Variants in ZSWIM4 observed in about 807,000 individuals in gnomAD.
The protein encoded by ZSWIM4 is zinc finger SWIM domain-containing protein 4.
In ZSWIM4, 62 loss-of-function variants were observed where a neutral mutation model predicts 102.5. The ratio of observed to expected loss-of-function variants is 0.60; its 90% CI spans 0.49 to 0.75. The LOEUF is 0.75. Among genes scored for constraint, ZSWIM4 ranks in the 30% least tolerant of loss-of-function variants. The pLI, the probability that ZSWIM4 is intolerant of heterozygous loss-of-function variation, is 0.00. For synonymous variants in ZSWIM4, 652 were observed against 674.5 expected (o/e 0.97, Z 0.52); for missense variants, 1,280 against 1,529.6 (o/e 0.84, Z 2.72).
chr19:13,817,188 G>A, intron 7 of ZSWIM4, 28 bp from the exon 8 acceptor site: 1 of 1,597,228 alleles, frequency 6.3e-7, no homozygotes, highest in Non-Finnish European at 8.6e-7. Context: ...AGGTGTGTGG[G>A]CATTGAGCCC....
chr19:13,808,360 C>T (rs890371684), intron 3 of ZSWIM4, among the ~76,000 whole-genome samples: 1 of 148,996 alleles, frequency 6.7e-6, no homozygotes, highest in Non-Finnish European at 1.5e-5. Flanking sequence ...AATAGATGGT[C>T]GGGTGGGATG....
chr19:13,807,479 A>G (rs1348913839), intron 3 of ZSWIM4, among the ~76,000 whole-genome samples: 1 of 151,940 alleles, frequency 6.6e-6, no homozygotes, highest in East Asian at 1.9e-4. Context: ...ATAGATGTGT[A>G]GTGTTTCAGG....
chr19:13,809,002 G>A lies in ZSWIM4; in HGVS notation c.861+18G>A. The A allele has an allele frequency of 1.9e-6, 3 of 1,609,346 alleles. No individual in the cohort carries two copies. Among genetic ancestry groups the A allele is most frequent in the East Asian group, 2.2e-5 (1 of 44,702 alleles). The stretch of plus-strand genomic sequence containing the variant: ...TCAGCAAGGTGCCGTGCGGGCCGGC[G>A]GGGCGCGGGGTGCAGAAGGCCCCGG... On this transcript the variant is annotated intron_variant, in intron 4 of 13. Coordinates refer to ENST00000590508, the MANE Select transcript of ZSWIM4 (RefSeq NM_001367834.3). The surrounding 1 kb of genome is among the most constrained non-coding windows in gnomAD (Gnocchi z 4.2).
chr19:13,810,757 C>G (rs1975058955), intron 5 of ZSWIM4, among the ~76,000 whole-genome samples: 2 of 151,386 alleles, frequency 1.3e-5, no homozygotes, highest in Non-Finnish European at 2.9e-5. Flanking sequence ...CTACAGAGGC[C>G]CACCACCACG....
At position 13,808,740 on chromosome 19, in the gene ZSWIM4, CAAAAAAAAAAAA is replaced by C. The variant is rs755959483; in HGVS notation, c.713-86_713-75del. The C allele has an allele frequency of 8.4e-6, 7 of 834,982 alleles. No individual in the cohort carries two copies. In the Admixed American group the frequency reaches 3.0e-4, roughly 35 times the overall value. The allele number at this position is 834,982 out of a possible 1,614,324, so 51.7% of individuals were successfully genotyped here. On this transcript the variant is annotated intron_variant, in intron 3 of 13. Coordinates refer to ENST00000590508, the MANE Select transcript of ZSWIM4 (RefSeq NM_001367834.3). ...GGCAAGAAGAGCCAAACTCCGTCTCCAAAAAAAAAAAAAAAAAAAAAGGACAGCTCTCCTCAA... is the reference window on the plus strand; with the variant it reads ...GGCAAGAAGAGCCAAACTCCGTCTCCAAAAAAAAAGGACAGCTCTCCTCAA...
rs774421306 is a variant in ZSWIM4, at chr19:13,823,383, C to A, written c.2098C>A (p.Pro700Thr). The change falls in exon 11 of 14, where the codon CCT becomes ACT. Residue 700 changes from proline to threonine, a missense_variant. Pro to Thr is a conservative substitution (Grantham distance 38). Transcript: ENST00000590508. ...ILETAFPAGE[P>T]HPSPLDSIMS... The stretch of plus-strand genomic sequence containing the variant: ...GGAGACAGCATTTCCTGCTGGAGAA[C>A]CTCATCCCAGCCCGCTGGACTCCAT... The A allele has an allele frequency of 1.7e-5, 27 of 1,613,946 alleles. No individual in the cohort carries two copies. Among genetic ancestry groups the A allele is most frequent in the Non-Finnish European group, 2.1e-5 (25 of 1,179,990 alleles).
At chr19:13,807,570 A>AGTTG (rs1555712752) in intron 3 of ZSWIM4, among the ~76,000 whole-genome samples, 9 of 141,146 alleles carry the variant, frequency 6.4e-5, no homozygotes, top group Admixed American at 2.9e-4. Flanking sequence ...GTTTTGGGCA[A>AGTTG]GATGGATGGA....
rs779056101 is a variant in ZSWIM4, at chr19:13,830,533, C to T, written c.2804C>T (p.Pro935Leu). Reference protein sequence around the residue: ...VARYMEHRGLPLRAYKLATLA... With the variant: ...VARYMEHRGLLLRAYKLATLA... ...CGCTATATGGAGCACCGCGGGCTGC[C>T]GCTCCGGGCCTACAAGCTGGCGACG... Residue 935 changes from proline (P) to leucine (L), a missense_variant, in exon 14 of 14, where the codon CCG (proline) becomes CTG (leucine). Transcript: ENST00000590508. 3.6e-5 allele frequency: 57 copies of T among 1,599,296 alleles called. No individual in the cohort carries two copies. Among genetic ancestry groups the T allele is most frequent in the Non-Finnish European group, 4.3e-5 (51 of 1,179,384 alleles).
At position 13,814,830 on chromosome 19, in the gene ZSWIM4, G is replaced by A. The variant is rs757672306; in HGVS notation, c.1496G>A (p.Arg499Gln). 3.2e-5 allele frequency: 41 copies of A among 1,271,586 alleles called. No homozygotes were observed. Among genetic ancestry groups the A allele is most frequent in the Middle Eastern group, 2.1e-4 (1 of 4,666 alleles). The allele number at this position is 1,271,586 out of a possible 1,614,324, so 78.8% of individuals were successfully genotyped here. A position where few individuals can be genotyped will look rare whatever the true frequency, so the allele number is the denominator to read the frequency against. ...AIINTLRLQQ[R>Q]HQLESYKQQK... ...ATCAACACACTCCGGCTGCAGCAGCGGCATCAGCTAGAGAGCTACAAGCAG... is the reference window on the plus strand; with the variant it reads ...ATCAACACACTCCGGCTGCAGCAGCAGCATCAGCTAGAGAGCTACAAGCAG... Residue 499 changes from arginine (R) to glutamine (Q), a missense_variant, in exon 7 of 14, where the codon CGG (arginine) becomes CAG (glutamine). By Grantham distance (43) the Arg-to-Gln change is conservative. Transcript: ENST00000590508.
Position 13,817,824 on chromosome 19 carries a change from G to C in ZSWIM4, c.1772G>C (p.Gly591Ala), listed in dbSNP as rs186529814. The C allele has an allele frequency of 2.2e-5, 34 of 1,576,726 alleles. No individual in the cohort carries two copies. Among genetic ancestry groups the C allele is most frequent in the Middle Eastern group, 3.4e-4 (2 of 5,820 alleles). ...CTGGCGCTGGAGGTGGCACTGCTGG[G>C]GCTGGGGCAGCAGCGGGCCCTGCCG... ...LVLALEVALLGLGQQRALPEG... is the reference protein window; with the variant it reads ...LVLALEVALLALGQQRALPEG... The change falls in exon 9 of 14, where the codon GGG becomes GCG. Residue 591 changes from glycine to alanine, a missense_variant. By Grantham distance (60) the Gly-to-Ala change is moderately conservative. Coordinates refer to ENST00000590508, the MANE Select transcript of ZSWIM4 (RefSeq NM_001367834.3).
intron 3 of ZSWIM4, 79 bp downstream of exon 3, chr19:13,805,227 G>T (rs1974888060): frequency 2.3e-6 from 3 of 1,304,620 alleles, no homozygotes; most frequent in Admixed American, 1.9e-5. Flanking sequence ...CCCAGTGCTG[G>T]TCACTTACTG....
chr19:13,820,756 C>G (rs1053327003), intron 10 of ZSWIM4, among the ~76,000 whole-genome samples: 1 of 152,146 alleles, frequency 6.6e-6, no homozygotes, highest in Non-Finnish European at 1.5e-5. Context: ...AGTGGTACAT[C>G]CTGTATCTAT....
At chr19:13,800,347 G>A (rs1418562754) in intron 2 of ZSWIM4, among the ~76,000 whole-genome samples, 2 of 131,042 alleles carry the variant, frequency 1.5e-5, no homozygotes, top group African/African-American at 2.8e-5. Flanking sequence ...CTCACTGCAA[G>A]CTCCGCCTCC....
rs1402829578 is a variant in ZSWIM4, at chr19:13,795,749, C to G, written c.101C>G (p.Ala34Gly). ...GCGCGTGGCCGGGGCCGGCCCGAGGCGCTGCTGGACCTCAGCGCCAAGCGG... is the reference window on the plus strand; with the variant it reads ...GCGCGTGGCCGGGGCCGGCCCGAGGGGCTGCTGGACCTCAGCGCCAAGCGG... ...GAARGRGRPE[A>G]LLDLSAKRVA... The change falls in exon 1 of 14, where the codon GCG (alanine) becomes GGG (glycine). Residue 34 changes from alanine to glycine, a missense_variant. Physicochemically the swap from Ala to Gly is moderately conservative, Grantham distance 60. Transcript: ENST00000590508. 8.1e-7 allele frequency: 1 copy of G among 1,232,230 alleles called. No homozygotes were observed. Among genetic ancestry groups the G allele is most frequent in the African/African-American group, 1.5e-5 (1 of 64,556 alleles). 76.3% of individuals were successfully genotyped at this position (1,232,230 alleles called of 1,614,324 possible). A position where few individuals can be genotyped will look rare whatever the true frequency, so the allele number is the denominator to read the frequency against.
chr19:13,795,692 G>T lies in ZSWIM4; in HGVS notation c.44G>T (p.Gly15Val). ...AAGCGGAGCCGGGGCTGCCCCGCGGGACCCGAGGAGCGCGATGCCGGGGCC... is the reference window on the plus strand; with the variant it reads ...AAGCGGAGCCGGGGCTGCCCCGCGGTACCCGAGGAGCGCGATGCCGGGGCC... ...AAKRSRGCPA[G>V]PEERDAGAGA... Residue 15 changes from glycine (G) to valine (V), a missense_variant, in exon 1 of 14, where the codon GGA (glycine) becomes GTA (valine). Physicochemically the swap from Gly to Val is moderately radical, Grantham distance 109 (BLOSUM62 -3). Coordinates refer to ENST00000590508, the MANE Select transcript of ZSWIM4 (RefSeq NM_001367834.3). 1 of 1,114,534 alleles carries T rather than the reference G, an allele frequency of 9.0e-7. No homozygotes were observed. Among genetic ancestry groups the T allele is most frequent in the Non-Finnish European group, 1.1e-6 (1 of 888,844 alleles). 69.0% of individuals were successfully genotyped at this position (1,114,534 alleles called of 1,614,324 possible).
In ZSWIM4 at chr19:13,823,443, G is replaced by A. The variant is rs755821003; in HGVS notation, c.2158G>A (p.Gly720Ser). Residue 720 changes from glycine to serine, a missense_variant, in exon 11 of 14, where the codon GGC (glycine) becomes AGC (serine). Coordinates refer to ENST00000590508, the MANE Select transcript of ZSWIM4 (RefSeq NM_001367834.3). Reference protein sequence around the residue: ...SNRFPRWFILGHLETRQCELA... With the variant: ...SNRFPRWFILSHLETRQCELA... Reference sequence around the variant, plus strand: ...CCGCTTCCCCCGCTGGTTCATCCTTGGCCACCTGGAGACCCGCCAGTGTGA... The same window carrying A: ...CCGCTTCCCCCGCTGGTTCATCCTTAGCCACCTGGAGACCCGCCAGTGTGA... 71 of 1,590,678 alleles carry A rather than the reference G, an allele frequency of 4.5e-5. No individual in the cohort carries two copies. In the Admixed American group the frequency reaches 1.2e-3, roughly 27 times the overall value.
At chr19:13,807,843 G>T (rs1363061121) in intron 3 of ZSWIM4, among the ~76,000 whole-genome samples, 2 of 152,072 alleles carry the variant, frequency 1.3e-5, no homozygotes, top group Non-Finnish European at 2.9e-5. Context: ...TAGATGAATG[G>T]ATTGGATGGG....
intron 7 of ZSWIM4, 96 bp from the exon 8 acceptor site, chr19:13,817,120 G>A: frequency 6.7e-7 from 1 of 1,492,414 alleles, no homozygotes; most frequent in Non-Finnish European, 9.0e-7. Flanking sequence ...GGCATTATGG[G>A]GCTAGGCTGG....
intron 10 of ZSWIM4, among the ~76,000 whole-genome samples, chr19:13,820,968 G>A (rs1425368634): frequency 2.6e-5 from 4 of 151,578 alleles, no homozygotes; most frequent in Non-Finnish European, 4.4e-5. Flanking sequence ...TACACCAGCA[G>A]ATTCACAGAA....
Sources: gnomAD v4.1 joint callset for allele counts (sites outside exome capture counted in the v4.1 genomes callset) on GRCh38, gnomAD v4.1.1 for gene constraint, Gnocchi (gnomAD v3.1) non-coding constraint, MANE v1.5 for transcripts, NCBI Gene and HGNC (gene_info 2026-07-23, HGNC 2026-07-21) for gene names.